Variants in PLEKHD1 observed in about 807,000 individuals in gnomAD.
The protein encoded by PLEKHD1 is pleckstrin homology and coiled-coil domain containing D1.
A neutral mutation model predicts 69.2 loss-of-function variants in PLEKHD1; 51 were observed. That is an observed-to-expected ratio of 0.74 (90% CI 0.59 to 0.93). The LOEUF (loss-of-function observed/expected upper bound fraction) is 0.93, where lower values mean the gene tolerates loss of function less well. PLEKHD1 is among the 40% of genes least tolerant of loss of function. PLEKHD1 has a pLI of 0.00. For synonymous variants in PLEKHD1, 236 were observed against 244.7 expected (o/e 0.96, Z 0.33); for missense variants, 584 against 641.0 (o/e 0.91, Z 0.96).
chr14:69,490,906 C>T (rs1487202413), intron 1 of PLEKHD1, among the ~76,000 whole-genome samples: 1 of 152,114 alleles, frequency 6.6e-6, no homozygotes, highest in East Asian at 1.9e-4. Flanking sequence ...GGCTGCTGGG[C>T]CTATTCTGGA....
chr14:69,528,117 G>C, intron 12 of PLEKHD1, 133 bp from the exon 13 acceptor site: 1 of 1,395,258 alleles, frequency 7.2e-7, no homozygotes, highest in Non-Finnish European at 9.7e-7. Flanking sequence ...ATGGAAGCCC[G>C]TGTGTGTGGG....
intron 10 of PLEKHD1, 39 bp from the exon 11 acceptor site, chr14:69,527,149 G>A (rs540098083): frequency 8.0e-6 from 12 of 1,499,386 alleles, no homozygotes; most frequent in African/African-American, 1.4e-5. Context: ...CTACTTCCAG[G>A]ACCTGACTTC....
At chr14:69,476,596 A>G in the PLEKHD1 span, among the ~76,000 whole-genome samples, 1 of 152,154 alleles carries the variant, frequency 6.6e-6, no homozygotes, top group East Asian at 1.9e-4. Context: ...ACTAAAAGAC[A>G]TCACTAAAGA....
chr14:69,474,131 G>T, the PLEKHD1 span, among the ~76,000 whole-genome samples: 41 of 152,232 alleles, frequency 2.7e-4, no homozygotes, highest in African/African-American at 9.9e-4. Context: ...TTCCTTCAAG[G>T]GAAATTCCAG....
chr14:69,468,667 A>G, the PLEKHD1 span, among the ~76,000 whole-genome samples: 2 of 152,068 alleles, frequency 1.3e-5, no homozygotes, highest in South Asian at 2.1e-4. Context: ...TGCAGCCTCA[A>G]ACTCCTGAGC....
chr14:69,512,834 G>T (rs568785661), intron 6 of PLEKHD1, among the ~76,000 whole-genome samples: 2 of 151,994 alleles, frequency 1.3e-5, no homozygotes, highest in South Asian at 4.2e-4. Flanking sequence ...AGCCAAGGCA[G>T]GAGGATTGCT....
chr14:69,530,530 A>G lies in PLEKHD1; in HGVS notation c.*2111A>G, dbSNP rs935111900. 2.0e-5 allele frequency: 3 copies of G among 152,160 alleles called. No homozygotes were observed. The highest frequency in any genetic ancestry group is 4.4e-5 in the Non-Finnish European group (3 of 68,032). The allele number at this position is 152,160 out of a possible 1,614,324, so 9.4% of individuals were successfully genotyped here. ...AATTAATCATGGCTTGCTTTTAGAGAGATCTTTCATAATTTTCAGATGCAT... is the reference window on the plus strand; with the variant it reads ...AATTAATCATGGCTTGCTTTTAGAGGGATCTTTCATAATTTTCAGATGCAT... On this transcript the variant is annotated 3_prime_UTR_variant, in exon 13 of 13. Transcript: ENST00000322564.
intron 4 of PLEKHD1, 79 bp downstream of exon 4, chr14:69,501,026 C>T: frequency 7.2e-7 from 1 of 1,383,810 alleles, no homozygotes; most frequent in African/African-American, 1.4e-5. Flanking sequence ...CCCTGCCTCT[C>T]TGCTGGGATC....
chr14:69,504,243 C>T (rs1883102396), intron 6 of PLEKHD1, among the ~76,000 whole-genome samples: 1 of 152,212 alleles, frequency 6.6e-6, no homozygotes, highest in African/African-American at 2.4e-5. Context: ...TGTCTGAGGC[C>T]TGAAGCAGCA....
chr14:69,471,966 G>A, the PLEKHD1 span, among the ~76,000 whole-genome samples: 15 of 152,216 alleles, frequency 9.9e-5, no homozygotes, highest in Non-Finnish European at 2.1e-4. Context: ...TGGTGAAACG[G>A]CTGCTTCACG....
At chr14:69,520,855 A>G (rs147433163) in intron 6 of PLEKHD1, among the ~76,000 whole-genome samples, 7 of 152,364 alleles carry the variant, frequency 4.6e-5, no homozygotes, top group Non-Finnish European at 5.9e-5. Context: ...TCTTAAAGGC[A>G]ACTGCCTAGA....
chr14:69,524,083 GGGCCCAGCTGTGCAGAGGGGCT>G, intron 7 of PLEKHD1, 124 bp from the exon 8 acceptor site: 1 of 611,360 alleles, frequency 1.6e-6, no homozygotes. Flanking sequence ...GCTGCTGTCA[GGGCCCAGCTGTGCAGAGGGGCT>G]GGCCATTCAA....
At chr14:69,487,274 G>A (rs1022479715) in intron 1 of PLEKHD1, among the ~76,000 whole-genome samples, 2 of 152,164 alleles carry the variant, frequency 1.3e-5, no homozygotes, top group African/African-American at 4.8e-5. Flanking sequence ...GGGCCTGGGT[G>A]TGGGGGAGAA....
chr14:69,475,062 A>G, the PLEKHD1 span, among the ~76,000 whole-genome samples: 2 of 152,142 alleles, frequency 1.3e-5, no homozygotes, highest in East Asian at 3.9e-4. Context: ...TTTTAAAGTA[A>G]CTTGACCAAA....
Position 69,529,393 on chromosome 14 carries a change from T to A in PLEKHD1, c.*974T>A, listed in dbSNP as rs1455505864. The A allele has an allele frequency of 6.6e-6, 1 of 151,734 alleles. No individual in the cohort carries two copies. Among genetic ancestry groups the A allele is most frequent in the Non-Finnish European group, 1.5e-5 (1 of 67,940 alleles). The allele number at this position is 151,734 out of a possible 1,614,324, so 9.4% of individuals were successfully genotyped here. A position where few individuals can be genotyped will look rare whatever the true frequency, so the allele number is the denominator to read the frequency against. On this transcript the variant is annotated 3_prime_UTR_variant, in exon 13 of 13. Coordinates refer to ENST00000322564, the MANE Select transcript of PLEKHD1 (RefSeq NM_001161498.2). ...CTGTCTCTACAAAAAATAAAAAAAA[T>A]AAAATAAATAGCTGGGCATGGTGGT...
chr14:69,500,545 G>T, intron 2 of PLEKHD1, 32 bp from the exon 3 acceptor site: 1 of 1,524,420 alleles, frequency 6.6e-7, no homozygotes. Flanking sequence ...AGTTGGGTGG[G>T]GTGGGGGCTG....
chr14:69,512,687 T>C (rs1883296448), intron 6 of PLEKHD1, among the ~76,000 whole-genome samples: 2 of 152,126 alleles, frequency 1.3e-5, no homozygotes, highest in Non-Finnish European at 2.9e-5. Flanking sequence ...ATTTTGTGGA[T>C]TTTCCAGTTA....
At chr14:69,491,650 C>T (rs1299009035) in intron 1 of PLEKHD1, among the ~76,000 whole-genome samples, 1 of 152,126 alleles carries the variant, frequency 6.6e-6, no homozygotes, top group Non-Finnish European at 1.5e-5. Flanking sequence ...ATAGAAGATA[C>T]CTGTGGTTCT....
chr14:69,496,702 A>AT (rs375368521), intron 1 of PLEKHD1, among the ~76,000 whole-genome samples: 10,528 of 112,886 alleles, frequency 0.093, 567 homozygotes, highest in Admixed American at 0.13. Flanking sequence ...TGCCCAGCTA[A>AT]TTTTTTTTTT....
Sources: gnomAD v4.1 joint callset for allele counts (sites outside exome capture counted in the v4.1 genomes callset) on GRCh38, gnomAD v4.1.1 for gene constraint, MANE v1.5 for transcripts, NCBI Gene and HGNC (gene_info 2026-07-23, HGNC 2026-07-21) for gene names.